The following VWA3B variants were observed in gnomAD, a reference collection of about 807,000 sequenced individuals.
The protein encoded by VWA3B is von Willebrand factor A domain containing 3B.
VWA3B carries 138 observed loss-of-function variants against 158.3 expected under a neutral mutation model. That is an observed-to-expected ratio of 0.87 (90% CI 0.76 to 1.00). VWA3B has a LOEUF of 1.00. Among genes scored for constraint, VWA3B ranks in the 50% least tolerant of loss-of-function variants. The pLI is 0.00. For missense variants in VWA3B, 1,555 were observed against 1,565.1 expected, an observed-to-expected ratio of 0.99 and a Z score of 0.11; for synonymous variants, 596 against 587.3, an observed-to-expected ratio of 1.01 and a Z score of -0.21.
chr2:98,273,470 A>T (rs758875274), intron 22 of VWA3B, among the ~76,000 whole-genome samples: 4 of 152,230 alleles, frequency 2.6e-5, no homozygotes, highest in Non-Finnish European at 4.4e-5. Context: ...GGGAAGTACC[A>T]TCTGACACCC....
chr2:98,301,453 A>C (rs531717714), intron 25 of VWA3B, among the ~76,000 whole-genome samples: 1 of 152,338 alleles, frequency 6.6e-6, no homozygotes, highest in African/African-American at 2.4e-5. Flanking sequence ...ATCTGTATTT[A>C]TCTATGTATA....
chr2:98,307,358 T>C lies in VWA3B; in HGVS notation c.3521+3556T>C, dbSNP rs554832127. On this transcript the variant is annotated intron_variant, in intron 26 of 27. Coordinates refer to ENST00000477737, the MANE Select transcript of VWA3B (RefSeq NM_144992.5). Reference sequence around the variant, plus strand: ...AACGGGACCTCACATTCTGTATTTGTTCTGACTGACTAGCAACTTAGAACT... The same window carrying C: ...AACGGGACCTCACATTCTGTATTTGCTCTGACTGACTAGCAACTTAGAACT... Among the ~76,000 whole-genome samples, 7 of 152,318 alleles carry C rather than the reference T, an allele frequency of 4.6e-5. No individual in the cohort carries two copies. The South Asian group carries it at 1.0e-3, about 23-fold the overall frequency.
Position 98,298,043 on chromosome 2 carries a change from C to T in VWA3B, c.3282+12C>T. On this transcript the variant is annotated intron_variant, in intron 24 of 27. Coordinates refer to ENST00000477737, the MANE Select transcript of VWA3B (RefSeq NM_144992.5). The stretch of plus-strand genomic sequence containing the variant: ...GCCCGCTGCTCCAGGTACCCAGTCC[C>T]TGATGTGTTCTGGGGCCCCTTTTCA... The T allele has an allele frequency of 6.5e-7, 1 of 1,531,884 alleles. No homozygotes were observed. The highest frequency in any genetic ancestry group is 8.8e-7 in the Non-Finnish European group (1 of 1,142,222). 94.9% of individuals were successfully genotyped at this position (1,531,884 alleles called of 1,614,324 possible).
intron 8 of VWA3B, among the ~76,000 whole-genome samples, chr2:98,175,248 T>A (rs946752077): frequency 6.6e-6 from 1 of 152,086 alleles, no homozygotes; most frequent in Non-Finnish European, 1.5e-5. Flanking sequence ...CCTTACTAGA[T>A]AAAGATATTA....
Position 98,151,150 on chromosome 2 carries a change from T to C in VWA3B, c.989-11701T>C, listed in dbSNP as rs567911541. ...TTTTTTTTTTGAGATGGAGTCTCTG[T>C]TGCCCAGGCTGGAGTTCAGTGGTAC... On this transcript the variant is annotated intron_variant, in intron 7 of 27. Transcript: ENST00000477737. 9.0e-4 allele frequency among the ~76,000 whole-genome samples: 137 copies of C among 152,032 alleles called. 1 individual carries two copies. The South Asian group carries it at 0.02, about 22-fold the overall frequency.
intron 10 of VWA3B, among the ~76,000 whole-genome samples, 165 bp from the exon 11 acceptor site, chr2:98,192,733 A>T (rs1007320373): frequency 6.6e-6 from 1 of 152,142 alleles, no homozygotes; most frequent in African/African-American, 2.4e-5. Context: ...CAAATGTAGG[A>T]TTTTCTACAG....
the VWA3B span, among the ~76,000 whole-genome samples, chr2:98,324,692 T>A: frequency 6.6e-6 from 1 of 152,200 alleles, no homozygotes; most frequent in Admixed American, 6.5e-5. Flanking sequence ...TCTAAGTTAT[T>A]CACCATGTAA....
chr2:98,232,855 C>A (rs930610727), intron 16 of VWA3B, among the ~76,000 whole-genome samples: 2 of 152,068 alleles, frequency 1.3e-5, no homozygotes, highest in Non-Finnish European at 2.9e-5. Flanking sequence ...CCCCTCAGAC[C>A]AGGATGTTAG....
chr2:98,243,734 GC>G (rs1171562592), intron 19 of VWA3B, among the ~76,000 whole-genome samples: 2 of 152,196 alleles, frequency 1.3e-5, no homozygotes, highest in Non-Finnish European at 2.9e-5. Context: ...TATGGAGCCT[GC>G]AGGTGTTTCA....
At chr2:98,190,848 T>C (rs1681514722) in intron 10 of VWA3B, among the ~76,000 whole-genome samples, 2 of 152,150 alleles carry the variant, frequency 1.3e-5, no homozygotes, top group Admixed American at 1.3e-4. Context: ...TTTCTTCTTC[T>C]TGGGTTCTTT....
chr2:98,232,733 A>G (rs908014688), intron 16 of VWA3B, among the ~76,000 whole-genome samples: 5 of 152,118 alleles, frequency 3.3e-5, no homozygotes, highest in Admixed American at 2.6e-4. Flanking sequence ...TCTGATGGCG[A>G]TTTAATTTTC....
Position 98,171,102 on chromosome 2 carries a change from T to C in VWA3B, c.1114+8126T>C, listed in dbSNP as rs6737016. On this transcript the variant is annotated intron_variant, in intron 8 of 27. Transcript: ENST00000477737. The stretch of plus-strand genomic sequence containing the variant: ...GTGCTGTCACATAGTTAGAATGTAA[T>C]GATGGCTTAAGAAAAGTTTAATCCA... 3.8e-3 allele frequency among the ~76,000 whole-genome samples: 581 copies of C among 152,374 alleles called. 2 individuals carry two copies. The highest frequency in any genetic ancestry group is 0.013 in the African/African-American group (554 of 41,596).
At chr2:98,234,881 T>G in intron 17 of VWA3B, 114 bp downstream of exon 17, 1 of 1,433,322 alleles carries the variant, frequency 7.0e-7, no homozygotes. Context: ...TGGGCCCAGA[T>G]TGCTTCCTAT....
the VWA3B span, among the ~76,000 whole-genome samples, chr2:98,329,566 G>A: frequency 6.6e-6 from 1 of 151,960 alleles, no homozygotes; most frequent in Non-Finnish European, 1.5e-5. Flanking sequence ...AGTACATGAA[G>A]AGTAGATCTC....
At chr2:98,201,547 A>G (rs1422679063) in intron 12 of VWA3B, among the ~76,000 whole-genome samples, 1 of 152,194 alleles carries the variant, frequency 6.6e-6, no homozygotes, top group Non-Finnish European at 1.5e-5. Flanking sequence ...GAGAGAACAT[A>G]CTTGCCTTGG....
chr2:98,201,935 G>GT (rs774447495), intron 12 of VWA3B, among the ~76,000 whole-genome samples: 1 of 152,076 alleles, frequency 6.6e-6, no homozygotes, highest in Admixed American at 6.5e-5. Flanking sequence ...TCTTGTTGAG[G>GT]TTTTTTTGTC....
intron 22 of VWA3B, among the ~76,000 whole-genome samples, chr2:98,287,328 A>G (rs1220293368): frequency 6.6e-6 from 1 of 152,076 alleles, no homozygotes; most frequent in Non-Finnish European, 1.5e-5. Flanking sequence ...CGACCCTTTT[A>G]CCACTACATG....
chr2:98,256,199 CT>C (rs113487988), intron 21 of VWA3B, 25 bp downstream of exon 21: 7,007 of 1,385,140 alleles, frequency 5.1e-3, no homozygotes, highest in Admixed American at 0.02. Flanking sequence ...TCCCTCCTCA[CT>C]TTTTTTTTTT....
At chr2:98,197,575 A>G (rs1329962011) in intron 12 of VWA3B, among the ~76,000 whole-genome samples, 1 of 152,194 alleles carries the variant, frequency 6.6e-6, no homozygotes, top group Non-Finnish European at 1.5e-5. Context: ...TTATTCTATA[A>G]GGAAAAGATT....
Sources: allele counts gnomAD v4.1 joint callset (sites outside exome capture counted in the v4.1 genomes callset), GRCh38; gene constraint gnomAD v4.1.1; transcripts MANE v1.5; gene names NCBI Gene and HGNC (gene_info 2026-07-23, HGNC 2026-07-21).